Variants in CFAP107 observed in about 807,000 individuals in gnomAD.
CFAP107 encodes the protein cilia and flagella associated protein 107, also known as cilia- and flagella-associated protein 107.
the CFAP107 span, among the ~76,000 whole-genome samples, chr1:12,751,352 C>T: frequency 7.9e-5 from 12 of 152,126 alleles, no homozygotes; most frequent in South Asian, 2.1e-4. Flanking sequence ...TGGGACCGGG[C>T]GCGGTGGCTC....
the CFAP107 span, among the ~76,000 whole-genome samples, chr1:12,759,974 G>T: frequency 1.3e-5 from 2 of 152,002 alleles, no homozygotes; most frequent in East Asian, 3.9e-4. Flanking sequence ...AAGAAAACAG[G>T]TAATGGAGAG....
the CFAP107 span, among the ~76,000 whole-genome samples, chr1:12,755,310 C>G: frequency 6.6e-6 from 1 of 152,102 alleles, no homozygotes; most frequent in African/African-American, 2.4e-5. Context: ...GAGGCTGAGA[C>G]AGGGGAATTG....
the CFAP107 span, among the ~76,000 whole-genome samples, chr1:12,758,347 C>T: frequency 6.6e-6 from 1 of 152,202 alleles, no homozygotes; most frequent in Non-Finnish European, 1.5e-5. Flanking sequence ...GCCTCTCTAC[C>T]TCCCATGCCA....
the CFAP107 span, among the ~76,000 whole-genome samples, chr1:12,748,404 G>T: frequency 6.6e-6 from 1 of 151,550 alleles, no homozygotes; most frequent in Non-Finnish European, 1.5e-5. Flanking sequence ...AGAAGCAGGG[G>T]TGAGACTTTT....
chr1:12,754,375 G>A, the CFAP107 span, among the ~76,000 whole-genome samples: 1 of 152,204 alleles, frequency 6.6e-6, no homozygotes, highest in Non-Finnish European at 1.5e-5. Context: ...AAAATATCAA[G>A]TGTTGGTGAG....
the CFAP107 span, among the ~76,000 whole-genome samples, chr1:12,751,816 G>C: frequency 6.6e-6 from 1 of 152,124 alleles, no homozygotes; most frequent in Non-Finnish European, 1.5e-5. Context: ...AGAGAATACT[G>C]TGAACAATTT....
chr1:12,760,665 G>A, the CFAP107 span: 3 of 1,193,590 alleles, frequency 2.5e-6, no homozygotes, highest in Non-Finnish European at 3.5e-6. Context: ...GAGCAGCCTG[G>A]GAAAATCTCC....
the CFAP107 span, among the ~76,000 whole-genome samples, chr1:12,757,999 G>A: frequency 6.6e-6 from 1 of 151,982 alleles, no homozygotes; most frequent in African/African-American, 2.4e-5. Context: ...CTCCCCTAGG[G>A]CCCAGAGCCC....
chr1:12,752,309 G>T, the CFAP107 span, among the ~76,000 whole-genome samples: 12 of 152,116 alleles, frequency 7.9e-5, no homozygotes, highest in African/African-American at 2.9e-4. Flanking sequence ...TCAGGGCTGG[G>T]CATAGTGGCT....
chr1:12,763,519 A>G, the CFAP107 span: 55,422 of 152,010 alleles, frequency 0.36, 11,036 homozygotes, highest in African/African-American at 0.54. Context: ...CATGGGGGCA[A>G]CACGTTTGAA....
At chr1:12,761,179 T>C in the CFAP107 span, 122 of 509,256 alleles carry the variant, frequency 2.4e-4, no homozygotes, top group Non-Finnish European at 1.4e-4. Flanking sequence ...ATTGCAGGGC[T>C]ATGTACGTGC....
chr1:12,751,581 T>G, the CFAP107 span, among the ~76,000 whole-genome samples: 1 of 152,226 alleles, frequency 6.6e-6, no homozygotes, highest in Non-Finnish European at 1.5e-5. Flanking sequence ...GAGCCGAGAT[T>G]ATACCACTGC....
chr1:12,747,711 A>G, the CFAP107 span, among the ~76,000 whole-genome samples: 1 of 152,180 alleles, frequency 6.6e-6, no homozygotes, highest in Non-Finnish European at 1.5e-5. Flanking sequence ...TCAGCTACAA[A>G]TGTACTTGGC....
At chr1:12,754,481 A>T in the CFAP107 span, among the ~76,000 whole-genome samples, 1 of 152,248 alleles carries the variant, frequency 6.6e-6, no homozygotes. Context: ...TAGAATTACC[A>T]TATGATCCAG....
At chr1:12,760,117 C>T in the CFAP107 span, among the ~76,000 whole-genome samples, 2 of 151,894 alleles carry the variant, frequency 1.3e-5, no homozygotes, top group Non-Finnish European at 2.9e-5. Context: ...AGGGGGAGGA[C>T]ATTCCAGAGG....
the CFAP107 span, among the ~76,000 whole-genome samples, chr1:12,747,902 G>A: frequency 1.3e-4 from 20 of 152,194 alleles, no homozygotes; most frequent in Non-Finnish European, 4.4e-5. Flanking sequence ...AGCAGACTAA[G>A]AAGCTCCAGG....
chr1:12,753,166 G>A, the CFAP107 span, among the ~76,000 whole-genome samples: 1 of 151,948 alleles, frequency 6.6e-6, no homozygotes, highest in Non-Finnish European at 1.5e-5. Context: ...CCAAGGAGAT[G>A]AAAGACTTAT....
chr1:12,755,745 G>A, the CFAP107 span: 3 of 1,613,946 alleles, frequency 1.9e-6, no homozygotes. Flanking sequence ...TTACAGAAAA[G>A]AATACATCCC....
the CFAP107 span, among the ~76,000 whole-genome samples, chr1:12,751,562 G>A: frequency 1.3e-5 from 2 of 152,150 alleles, no homozygotes; most frequent in South Asian, 2.1e-4. Flanking sequence ...GGGAGGCGGA[G>A]GTTTCAGTGA....
Sources: gnomAD v4.1 joint callset for allele counts (sites outside exome capture counted in the v4.1 genomes callset) on GRCh38, gnomAD v4.1.1 for gene constraint, MANE v1.5 for transcripts, NCBI Gene and HGNC (gene_info 2026-07-23, HGNC 2026-07-21) for gene names.